ARHGEF4: variants seen among roughly 807,000 people sequenced by gnomAD.
ARHGEF4 encodes the protein Rho guanine nucleotide exchange factor 4.
ARHGEF4 carries 119 observed loss-of-function variants against 162.0 expected under a neutral mutation model. The ratio of observed to expected loss-of-function variants is 0.73; its 90% CI spans 0.63 to 0.86. ARHGEF4 has a LOEUF of 0.86. Ranked by LOEUF, ARHGEF4 falls within the 40% of genes least tolerant of loss-of-function variation. The pLI is 0.00. For missense variants in ARHGEF4, 2,488 were observed against 2,456.0 expected (o/e 1.01, Z -0.28); for synonymous variants, 1,014 against 979.9 (o/e 1.03, Z -0.65).
intron 4 of ARHGEF4, among the ~76,000 whole-genome samples, chr2:131,022,160 A>G (rs1393920380): frequency 6.6e-6 from 1 of 152,302 alleles, no homozygotes; most frequent in East Asian, 1.9e-4. Flanking sequence ...TAGTGATGTT[A>G]TAGAATGAGT....
chr2:130,882,682 A>AAGTGCCACAAACTAGTGCG (rs1679272423), intron 1 of ARHGEF4, among the ~76,000 whole-genome samples: 1 of 151,952 alleles, frequency 6.6e-6, no homozygotes, highest in Non-Finnish European at 1.5e-5. Flanking sequence ...GACTAAAGCA[A>AAGTGCCACAAACTAGTGCG]AGTGCCACAA....
At chr2:130,852,484 T>C (rs1051035590) in intron 1 of ARHGEF4, among the ~76,000 whole-genome samples, 6 of 135,744 alleles carry the variant, frequency 4.4e-5, no homozygotes, top group Middle Eastern at 3.6e-3. Flanking sequence ...TTGATGAGAC[T>C]GACTGTGGGG....
chr2:130,918,322 A>C (rs542297084), intron 2 of ARHGEF4, among the ~76,000 whole-genome samples: 1 of 152,158 alleles, frequency 6.6e-6, no homozygotes, highest in African/African-American at 2.4e-5. Flanking sequence ...TCTGTCCAGG[A>C]TAGGTTAGCA....
intron 12 of ARHGEF4, 45 bp downstream of exon 12, chr2:131,044,587 G>A (rs1293431358): frequency 3.9e-6 from 6 of 1,527,746 alleles, no homozygotes; most frequent in South Asian, 1.2e-5. Flanking sequence ...GGGCCCACCC[G>A]GCGCTCCCGC....
chr2:130,838,380 C>T (rs1680353126), intron 1 of ARHGEF4, among the ~76,000 whole-genome samples: 2 of 151,706 alleles, frequency 1.3e-5, no homozygotes, highest in South Asian at 2.1e-4. Flanking sequence ...GTGGGGGGGG[C>T]GGATCGCCTG....
At chr2:131,044,590 G>C in intron 12 of ARHGEF4, 48 bp downstream of exon 12, 1 of 1,523,154 alleles carries the variant, frequency 6.6e-7, no homozygotes, top group African/African-American at 1.4e-5. Context: ...CCCACCCGGC[G>C]CTCCCGCCTG....
chr2:130,978,193 C>T (rs1299731689), intron 4 of ARHGEF4, among the ~76,000 whole-genome samples: 1 of 152,196 alleles, frequency 6.6e-6, no homozygotes, highest in Admixed American at 6.5e-5. Context: ...TCAGTCCCCC[C>T]TTTCTATTTA....
chr2:130,985,432 G>T (rs1163936229), intron 4 of ARHGEF4, among the ~76,000 whole-genome samples: 3 of 152,114 alleles, frequency 2.0e-5, no homozygotes, highest in Non-Finnish European at 4.4e-5. Flanking sequence ...ATAATCGGGT[G>T]CTGCAGCCGA....
chr2:130,893,639 G>C (rs1679987027), intron 1 of ARHGEF4, among the ~76,000 whole-genome samples: 1 of 152,182 alleles, frequency 6.6e-6, no homozygotes, highest in African/African-American at 2.4e-5. Context: ...AGGGTGGGAG[G>C]CAGGCAAGAA....
chr2:130,977,447 G>A (rs781367440), intron 4 of ARHGEF4, among the ~76,000 whole-genome samples: 1 of 151,710 alleles, frequency 6.6e-6, no homozygotes, highest in African/African-American at 2.4e-5. Flanking sequence ...GGTGTATGTT[G>A]CGTGTGTGTG....
chr2:130,865,579 A>G (rs1682212314), intron 1 of ARHGEF4, among the ~76,000 whole-genome samples: 1 of 152,192 alleles, frequency 6.6e-6, no homozygotes, highest in African/African-American at 2.4e-5. Context: ...TGCCACAATC[A>G]CATTCCAAAT....
intron 4 of ARHGEF4, among the ~76,000 whole-genome samples, chr2:131,007,392 A>ATATC (rs1422360532): frequency 1.3e-5 from 2 of 152,188 alleles, no homozygotes; most frequent in Non-Finnish European, 2.9e-5. Flanking sequence ...CTTCAAATAG[A>ATATC]TAGTTATTAC....
intron 1 of ARHGEF4, among the ~76,000 whole-genome samples, chr2:130,849,663 G>A (rs532509443): frequency 4.6e-5 from 7 of 151,906 alleles, no homozygotes; most frequent in African/African-American, 1.5e-4. Flanking sequence ...CCTCCTCCCA[G>A]GTTCAAGTAT....
At chr2:131,012,404 G>T (rs1272582292) in intron 4 of ARHGEF4, among the ~76,000 whole-genome samples, 1 of 152,186 alleles carries the variant, frequency 6.6e-6, no homozygotes, top group Non-Finnish European at 1.5e-5. Context: ...AATGACTACA[G>T]TGCAGAAATG....
chr2:130,915,784 G>T lies in ARHGEF4; in HGVS notation c.1838G>T (p.Gly613Val), dbSNP rs1355910622. The T allele has an allele frequency of 6.6e-7, 1 of 1,525,070 alleles. No individual in the cohort carries two copies. The highest frequency in any genetic ancestry group is 8.8e-7 in the Non-Finnish European group (1 of 1,134,862). The allele number at this position is 1,525,070 out of a possible 1,614,324, so 94.5% of individuals were successfully genotyped here. ...GAACAGGGGCCTGGGGGTGCCGGGG[G>T]CCGGCAGCTGGAGCCCAAAGCAGGC... ...EGEQGPGGAG[G>V]RQLEPKAGGE... is the part of the protein sequence containing the mutation. The change falls in exon 2 of 14, where the codon GGC becomes GTC. Residue 613 changes from glycine to valine, a missense_variant. Gly to Val is a moderately radical substitution (Grantham distance 109, BLOSUM62 -3). Around this residue, in one of 6 missense-constraint regions of ARHGEF4, gnomAD observed 1,642 missense variants for 1,481.5 expected, o/e 1.11. Transcript: ENST00000409359.
At chr2:130,920,478 C>T (rs1036178824) in intron 2 of ARHGEF4, among the ~76,000 whole-genome samples, 5 of 152,252 alleles carry the variant, frequency 3.3e-5, no homozygotes, top group South Asian at 2.1e-4. Context: ...TAGTACACTG[C>T]GCCATCAGAC....
At chr2:130,964,775 C>G (rs933158138) in intron 4 of ARHGEF4, among the ~76,000 whole-genome samples, 1 of 152,214 alleles carries the variant, frequency 6.6e-6, no homozygotes. Context: ...GGTCCTGGAC[C>G]CCTCTGAACA....
At chr2:130,931,513 C>T (rs967370272) in intron 3 of ARHGEF4, among the ~76,000 whole-genome samples, 1 of 152,238 alleles carries the variant, frequency 6.6e-6, no homozygotes, top group Admixed American at 6.5e-5. Context: ...TAGTATGTCT[C>T]TGCCTGTGGC....
At chr2:130,906,386 A>G (rs756651734) in intron 1 of ARHGEF4, among the ~76,000 whole-genome samples, 10 of 152,200 alleles carry the variant, frequency 6.6e-5, no homozygotes, top group Non-Finnish European at 1.2e-4. Flanking sequence ...TTATCTGCCT[A>G]TTGATCTGTG....
Sources: gnomAD v4.1 joint callset for allele counts (sites outside exome capture counted in the v4.1 genomes callset) on GRCh38, gnomAD v4.1.1 for gene constraint, gnomAD v4.1.1 regional missense constraint, MANE v1.5 for transcripts, NCBI Gene and HGNC (gene_info 2026-07-23, HGNC 2026-07-21) for gene names.